The following LRRTM3 variants were observed in gnomAD, a reference collection of about 807,000 sequenced individuals.
LRRTM3 encodes leucine rich repeat transmembrane neuronal 3, also known as leucine-rich repeat transmembrane neuronal protein 3.
LRRTM3 carries 24 observed loss-of-function variants against 44.7 expected under a neutral mutation model. The observed-to-expected ratio is 0.54, with a 90% confidence interval of 0.39 to 0.76. The LOEUF (loss-of-function observed/expected upper bound fraction) is 0.76. Among genes scored for constraint, LRRTM3 ranks in the 30% least tolerant of loss-of-function variants. The pLI, the probability that LRRTM3 is intolerant of heterozygous loss-of-function variation, is 0.00. For missense variants in LRRTM3, 587 were observed against 702.2 expected, an observed-to-expected ratio of 0.84 and a Z score of 1.85; for synonymous variants, 277 against 278.7, an observed-to-expected ratio of 0.99 and a Z score of 0.06.
intron 2 of LRRTM3, among the ~76,000 whole-genome samples, chr10:67,030,534 A>G (rs1853650050): frequency 6.6e-6 from 1 of 151,760 alleles, no homozygotes; most frequent in African/African-American, 2.4e-5. Flanking sequence ...AAGTGCCCCA[A>G]AGGAGTGATT....
At chr10:66,988,478 G>A (rs1375324793) in intron 2 of LRRTM3, among the ~76,000 whole-genome samples, 1 of 152,140 alleles carries the variant, frequency 6.6e-6, no homozygotes, top group African/African-American at 2.4e-5. Flanking sequence ...TTCTTACTGA[G>A]TGGAAAAGCT....
In LRRTM3 at chr10:66,926,530, T is replaced by C. The variant is rs368285947; in HGVS notation, c.-54T>C. On this transcript the variant is annotated 5_prime_UTR_variant, in exon 1 of 3. Coordinates refer to ENST00000361320, the MANE Select transcript of LRRTM3 (RefSeq NM_178011.5). ...CAGCTGACAGGGGCTGTCATGCAAC[T>C]GGCCCCTAAGCCAAAGCAAAAGACC... The C allele has an allele frequency of 1.0e-5, 16 of 1,605,742 alleles. No homozygotes were observed. The highest frequency in any genetic ancestry group is 1.7e-4 in the Middle Eastern group (1 of 6,038).
At chr10:66,996,155 T>C (rs1331916772) in intron 2 of LRRTM3, among the ~76,000 whole-genome samples, 1 of 152,166 alleles carries the variant, frequency 6.6e-6, no homozygotes, top group Admixed American at 6.5e-5. Flanking sequence ...CACAAGTAGG[T>C]CTCAAAGCTC....
intron 2 of LRRTM3, among the ~76,000 whole-genome samples, chr10:67,047,853 T>C (rs577475201): frequency 3.9e-4 from 59 of 152,200 alleles, no homozygotes; most frequent in African/African-American, 1.4e-3. Flanking sequence ...TTTCCTGCTC[T>C]TAGTTCAATG....
chr10:67,043,838 T>C (rs1403185910), intron 2 of LRRTM3, among the ~76,000 whole-genome samples: 1 of 150,554 alleles, frequency 6.6e-6, no homozygotes, highest in African/African-American at 2.5e-5. Context: ...TGAGGACTAC[T>C]TTTTTTTCTG....
chr10:66,934,776 T>C (rs866575930), intron 2 of LRRTM3, among the ~76,000 whole-genome samples: 1 of 152,298 alleles, frequency 6.6e-6, no homozygotes, highest in East Asian at 1.9e-4. Context: ...GCCTGGCATA[T>C]AAAATAGTAA....
At chr10:67,033,242 C>T (rs1853841315) in intron 2 of LRRTM3, among the ~76,000 whole-genome samples, 1 of 152,178 alleles carries the variant, frequency 6.6e-6, no homozygotes, top group Non-Finnish European at 1.5e-5. Context: ...GGCTTTCTCT[C>T]TGAGGCAAAG....
intron 2 of LRRTM3, among the ~76,000 whole-genome samples, chr10:66,942,670 T>G (rs1241636054): frequency 6.6e-6 from 1 of 151,768 alleles, no homozygotes; most frequent in Non-Finnish European, 1.5e-5. Flanking sequence ...CACTCTCTCT[T>G]TCCTTTCTCT....
intron 2 of LRRTM3, among the ~76,000 whole-genome samples, chr10:67,083,299 C>T (rs1589714497): frequency 1.3e-5 from 2 of 152,042 alleles, no homozygotes; most frequent in African/African-American, 4.8e-5. Flanking sequence ...ATTTAATACA[C>T]TATGAAGACC....
At chr10:67,005,829 G>A (rs964020022) in intron 2 of LRRTM3, among the ~76,000 whole-genome samples, 1 of 151,248 alleles carries the variant, frequency 6.6e-6, no homozygotes, top group Non-Finnish European at 1.5e-5. Flanking sequence ...GGGATTACAG[G>A]TGCATGCCAC....
At chr10:66,941,453 C>T (rs1847989342) in intron 2 of LRRTM3, among the ~76,000 whole-genome samples, 1 of 152,120 alleles carries the variant, frequency 6.6e-6, no homozygotes, top group Admixed American at 6.6e-5. Flanking sequence ...GTAAAATTTA[C>T]AAATAAATCT....
intron 2 of LRRTM3, among the ~76,000 whole-genome samples, chr10:67,069,056 AT>A (rs139525535): frequency 0.36 from 54,200 of 150,774 alleles, 10,039 homozygotes; most frequent in Middle Eastern, 0.56. Context: ...AGGAAAAAAA[AT>A]ATATATATGT....
At chr10:67,061,939 C>T (rs1158837919) in intron 2 of LRRTM3, among the ~76,000 whole-genome samples, 1 of 125,626 alleles carries the variant, frequency 8.0e-6, no homozygotes, top group Non-Finnish European at 1.7e-5. Flanking sequence ...TATAAGAAAG[C>T]TTATTTACTG....
intron 2 of LRRTM3, among the ~76,000 whole-genome samples, chr10:67,033,618 T>C (rs1404571847): frequency 6.6e-6 from 1 of 152,176 alleles, no homozygotes; most frequent in Non-Finnish European, 1.5e-5. Context: ...ACTCATTTAA[T>C]CCTCACAACA....
At chr10:67,062,954 G>A (rs1016544983) in intron 2 of LRRTM3, among the ~76,000 whole-genome samples, 1 of 152,072 alleles carries the variant, frequency 6.6e-6, no homozygotes, top group African/African-American at 2.4e-5. Context: ...TCTCTCATAT[G>A]CTGAGAGTTA....
At chr10:67,030,059 C>A (rs1853624488) in intron 2 of LRRTM3, among the ~76,000 whole-genome samples, 1 of 152,170 alleles carries the variant, frequency 6.6e-6, no homozygotes, top group South Asian at 2.1e-4. Flanking sequence ...TTCTAAAAAA[C>A]AATCTTGTAA....
Position 66,926,484 on chromosome 10 carries a change from G to T in LRRTM3, c.-100G>T, listed in dbSNP as rs755225375. The T allele has an allele frequency of 1.4e-6, 2 of 1,380,564 alleles. No individual in the cohort carries two copies. The highest frequency in any genetic ancestry group is 1.2e-5 in the South Asian group (1 of 80,442). 85.5% of individuals were successfully genotyped at this position (1,380,564 alleles called of 1,614,324 possible). ...CCAATTTTTCTTCCTGGGTGTCAGC[G>T]AGCCCTGACTCACTACAGTGCAGCT... On this transcript the variant is annotated 5_prime_UTR_variant, in exon 1 of 3. The change creates a premature stop within an existing upstream ORF in the 5' untranslated region. Coordinates refer to ENST00000361320, the MANE Select transcript of LRRTM3 (RefSeq NM_178011.5).
intron 2 of LRRTM3, among the ~76,000 whole-genome samples, chr10:66,984,898 T>G (rs1850640528): frequency 2.0e-5 from 3 of 151,918 alleles, no homozygotes. Context: ...TTTTGGTGCT[T>G]TTTTTTTGTT....
intron 2 of LRRTM3, among the ~76,000 whole-genome samples, chr10:67,053,619 A>T (rs1420534302): frequency 6.6e-6 from 1 of 152,178 alleles, no homozygotes; most frequent in African/African-American, 2.4e-5. Context: ...CTCTTTGAGG[A>T]TCCTTTTCTA....
Sources: allele counts gnomAD v4.1 joint callset (sites outside exome capture counted in the v4.1 genomes callset), GRCh38; gene constraint gnomAD v4.1.1; transcripts MANE v1.5; gene names NCBI Gene and HGNC (gene_info 2026-07-23, HGNC 2026-07-21).